Variants in CACNA1D observed in about 807,000 individuals in gnomAD.
CACNA1D encodes calcium voltage-gated channel subunit alpha1 D.
Under a neutral mutation model 257.1 loss-of-function variants are expected in CACNA1D, and 55 were observed. That is an observed-to-expected ratio of 0.21 (90% CI 0.17 to 0.27). The LOEUF (loss-of-function observed/expected upper bound fraction) is 0.27. Among genes scored for constraint, CACNA1D ranks in the 10% least tolerant of loss-of-function variants. The pLI, the probability that CACNA1D is intolerant of heterozygous loss-of-function variation, is 1.00. For missense variants in CACNA1D, 1,876 were observed against 2,784.0 expected (o/e 0.67, Z 7.34); for synonymous variants, 980 against 1,014.9 (o/e 0.97, Z 0.65).
chr3:53,568,232 T>C (rs1213829132), intron 3 of CACNA1D, among the ~76,000 whole-genome samples: 1 of 152,210 alleles, frequency 6.6e-6, no homozygotes, highest in African/African-American at 2.4e-5. Context: ...CTAAGCGTGA[T>C]TGGAAATGTC....
At chr3:53,716,325 T>C (rs538564791) in intron 9 of CACNA1D, among the ~76,000 whole-genome samples, 2 of 152,350 alleles carry the variant, frequency 1.3e-5, no homozygotes, top group East Asian at 3.9e-4. Context: ...CCTCAACTCC[T>C]GGTCCCCTCA....
chr3:53,655,876 G>T (rs1256213682), intron 4 of CACNA1D, among the ~76,000 whole-genome samples: 1 of 152,134 alleles, frequency 6.6e-6, no homozygotes, highest in African/African-American at 2.4e-5. Context: ...GAATGGTATT[G>T]CCTAGGTTGT....
chr3:53,792,714 G>A (rs2095489898), intron 40 of CACNA1D, among the ~76,000 whole-genome samples: 1 of 152,144 alleles, frequency 6.6e-6, no homozygotes, highest in African/African-American at 2.4e-5. Flanking sequence ...GCTTGTCCTA[G>A]GTGTGACTGA....
chr3:53,766,848 A>G (rs1279274138), intron 30 of CACNA1D, among the ~76,000 whole-genome samples: 2 of 152,170 alleles, frequency 1.3e-5, no homozygotes, highest in Admixed American at 1.3e-4. Context: ...AATTCCGCTT[A>G]TTGAAAACTG....
At chr3:53,662,628 G>T (rs185882207) in intron 5 of CACNA1D, among the ~76,000 whole-genome samples, 2 of 152,204 alleles carry the variant, frequency 1.3e-5, no homozygotes, top group East Asian at 1.9e-4. Flanking sequence ...CCAGACCCAC[G>T]ATCTCCACAT....
intron 3 of CACNA1D, among the ~76,000 whole-genome samples, chr3:53,565,629 A>G (rs1167677613): frequency 1.3e-5 from 2 of 152,186 alleles, no homozygotes; most frequent in Non-Finnish European, 2.9e-5. Context: ...CAGAAAATAT[A>G]CTGAGGAACT....
At chr3:53,529,809 TGA>T (rs2091887478) in intron 3 of CACNA1D, among the ~76,000 whole-genome samples, 1 of 152,156 alleles carries the variant, frequency 6.6e-6, no homozygotes, top group African/African-American at 2.4e-5. Context: ...CTTTTATCAC[TGA>T]GAGAATGAAT....
At chr3:53,694,540 A>G (rs970555236) in intron 8 of CACNA1D, among the ~76,000 whole-genome samples, 1 of 152,126 alleles carries the variant, frequency 6.6e-6, no homozygotes, top group Non-Finnish European at 1.5e-5. Flanking sequence ...GACTGGGCAT[A>G]TGATGTGGGC....
intron 3 of CACNA1D, among the ~76,000 whole-genome samples, chr3:53,583,457 C>A (rs1046571936): frequency 6.6e-6 from 1 of 152,170 alleles, no homozygotes; most frequent in Non-Finnish European, 1.5e-5. Context: ...AGCCCCATGA[C>A]CCCCAAGTAT....
intron 14 of CACNA1D, among the ~76,000 whole-genome samples, chr3:53,725,496 G>T (rs761248196): frequency 5.9e-5 from 9 of 151,956 alleles, no homozygotes; most frequent in South Asian, 2.1e-4. Context: ...TGCTTTAGAG[G>T]GTGTGTCCAT....
intron 39 of CACNA1D, 29 bp downstream of exon 39, chr3:53,781,696 C>T (rs1332022287): frequency 7.0e-7 from 1 of 1,423,516 alleles, no homozygotes; most frequent in Non-Finnish European, 9.9e-7. Flanking sequence ...CTAAGTAGTC[C>T]TTGGCCAGTG....
At chr3:53,550,247 C>A (rs1233732812) in intron 3 of CACNA1D, among the ~76,000 whole-genome samples, 1 of 152,120 alleles carries the variant, frequency 6.6e-6, no homozygotes, top group African/African-American at 2.4e-5. Context: ...GGAGCTGAAC[C>A]AGTGAGATAC....
rs2095357080 is a variant in CACNA1D at position 53,769,908 on chromosome 3, G to A, written c.3871-65G>A. The A allele has an allele frequency of 4.9e-6, 6 of 1,234,958 alleles. No homozygotes were observed. The Admixed American group carries it at 1.0e-4, about 21-fold the overall frequency. The allele number at this position is 1,234,958 out of a possible 1,614,324, so 76.5% of individuals were successfully genotyped here. On this transcript the variant is annotated intron_variant, in intron 30 of 47. Coordinates refer to ENST00000350061, the MANE Select transcript of CACNA1D (RefSeq NM_001128840.3). ...CACACATTTTTTTAAAGGGGGAAAT[G>A]CTCTCTGGAACCATTGACTCCTTCC...
intron 3 of CACNA1D, among the ~76,000 whole-genome samples, chr3:53,643,116 A>T (rs2093980023): frequency 6.6e-6 from 1 of 152,158 alleles, no homozygotes; most frequent in Non-Finnish European, 1.5e-5. Context: ...GACTTGGGGG[A>T]CACAAATGTC....
At chr3:53,744,945 C>A (rs1022265798) in intron 23 of CACNA1D, 118 bp downstream of exon 23, 2 of 681,244 alleles carry the variant, frequency 2.9e-6, no homozygotes, top group African/African-American at 3.6e-5. Flanking sequence ...GTTATAAGGA[C>A]CTTTCTAACC....
chr3:53,810,388 C>T lies in CACNA1D; in HGVS notation c.6192+90C>T, dbSNP rs1036006145. 23 of 1,304,634 alleles carry T rather than the reference C, an allele frequency of 1.8e-5. No individual in the cohort carries two copies. In the African/African-American group the frequency reaches 2.5e-4, roughly 14 times the overall value. The allele number at this position is 1,304,634 out of a possible 1,614,324, so 80.8% of individuals were successfully genotyped here. A position where few individuals can be genotyped will look rare whatever the true frequency, so the allele number is the denominator to read the frequency against. On this transcript the variant is annotated intron_variant, in intron 47 of 47. Coordinates refer to ENST00000350061, the MANE Select transcript of CACNA1D (RefSeq NM_001128840.3). ...AGCAGGAAGGGCAGTGGTGGGAGGGCGGCCAGGCTGTGAGCTAGGCTGCCT... is the reference window on the plus strand; with the variant it reads ...AGCAGGAAGGGCAGTGGTGGGAGGGTGGCCAGGCTGTGAGCTAGGCTGCCT...
At chr3:53,747,009 C>G (rs1383544739) in intron 25 of CACNA1D, among the ~76,000 whole-genome samples, 3 of 152,176 alleles carry the variant, frequency 2.0e-5, no homozygotes, top group Non-Finnish European at 4.4e-5. Flanking sequence ...AAGAGATGCT[C>G]TCACCATGCT....
chr3:53,571,589 G>A (rs2092944956), intron 3 of CACNA1D, among the ~76,000 whole-genome samples: 1 of 152,040 alleles, frequency 6.6e-6, no homozygotes, highest in South Asian at 2.1e-4. Flanking sequence ...GGTCAGGGAG[G>A]CTGGGATAGA....
chr3:53,701,567 G>T (rs1576396810), intron 8 of CACNA1D, among the ~76,000 whole-genome samples: 1 of 152,250 alleles, frequency 6.6e-6, no homozygotes, highest in Admixed American at 6.5e-5. Flanking sequence ...CAAGAAGGCA[G>T]ACAGAAGTAA....
Sources: gnomAD v4.1 joint callset for allele counts (sites outside exome capture counted in the v4.1 genomes callset) on GRCh38, gnomAD v4.1.1 for gene constraint, MANE v1.5 for transcripts, NCBI Gene and HGNC (gene_info 2026-07-23, HGNC 2026-07-21) for gene names.